The following EDA variants were observed in gnomAD, a reference collection of about 807,000 sequenced individuals.
EDA encodes the protein ectodysplasin-A.
EDA carries 2 observed loss-of-function variants against 23.6 expected under a neutral mutation model. The ratio of observed to expected loss-of-function variants is 0.08; its 90% CI spans 0.03 to 0.27. The LOEUF (loss-of-function observed/expected upper bound fraction) is 0.27, where lower values mean the gene tolerates loss of function less well. EDA is among the 10% of genes least tolerant of loss of function. The pLI is 1.00. For missense variants in EDA, 229 were observed against 324.2 expected, an observed-to-expected ratio of 0.71 and a Z score of 2.26; for synonymous variants, 131 against 132.0, an observed-to-expected ratio of 0.99 and a Z score of 0.05.
chrX:69,982,008 G>A (rs1263900029), intron 2 of EDA, among the ~76,000 whole-genome samples: 1 of 111,402 alleles, frequency 9.0e-6, no homozygotes, highest in Admixed American at 9.6e-5. Flanking sequence ...GGAGGAGAGG[G>A]GAAGGGGGCG....
intron 1 of EDA, among the ~76,000 whole-genome samples, chrX:69,699,264 C>T (rs144212386): frequency 1.3e-4 from 14 of 111,230 alleles, no homozygotes; most frequent in East Asian, 5.7e-4. Flanking sequence ...TGAGGAAGAA[C>T]GAAGCACCCT....
chrX:69,774,276 T>C (rs2014716615), intron 1 of EDA, among the ~76,000 whole-genome samples: 1 of 112,111 alleles, frequency 8.9e-6, no homozygotes. Context: ...GTGGGAACAT[T>C]TACAGGTCTC....
chrX:69,792,680 G>A (rs2015435964), intron 1 of EDA, among the ~76,000 whole-genome samples: 1 of 112,337 alleles, frequency 8.9e-6, no homozygotes, highest in Non-Finnish European at 1.9e-5. Flanking sequence ...GAGTAAGGTA[G>A]TATTTCATTG....
intron 1 of EDA, among the ~76,000 whole-genome samples, chrX:69,638,581 A>G (rs1932803644): frequency 8.9e-6 from 1 of 111,823 alleles, no homozygotes; most frequent in Non-Finnish European, 1.9e-5. Flanking sequence ...GATGATGCCA[A>G]GAGCTCTGAA....
intron 1 of EDA, among the ~76,000 whole-genome samples, chrX:69,789,599 C>T (rs147802752): frequency 0.013 from 1,505 of 112,021 alleles, 7 homozygotes; most frequent in Non-Finnish European, 0.022. Flanking sequence ...TTTACTTAGT[C>T]CTCATTCTTC....
At chrX:69,674,505 A>G (rs1464202651) in intron 1 of EDA, among the ~76,000 whole-genome samples, 3 of 112,332 alleles carry the variant, frequency 2.7e-5, no homozygotes, top group Non-Finnish European at 5.6e-5. Flanking sequence ...ACAATCATTT[A>G]CTATTACCAA....
At position 69,720,083 on chromosome X, in the gene EDA, C is replaced by T. The variant is rs780821434; in HGVS notation, c.396+103379C>T. On this transcript the variant is annotated intron_variant, in intron 1 of 7. Transcript: ENST00000374552. ...CTTTATCTACTCACCCACTGATGGG[C>T]ACTTAGGTTGGTTCTATATTTTTGC... Among the ~76,000 whole-genome samples the T allele has an allele frequency of 3.6e-5, 4 of 111,737 alleles. No individual in the cohort carries two copies. In the Admixed American group the frequency reaches 3.8e-4, roughly 11 times the overall value.
At chrX:69,658,722 T>A (rs1300574371) in intron 1 of EDA, among the ~76,000 whole-genome samples, 3 of 111,753 alleles carry the variant, frequency 2.7e-5, no homozygotes, top group Non-Finnish European at 5.6e-5. Context: ...TCTTCTGCCC[T>A]TGGAAATTGC....
At chrX:69,800,790 G>A (rs2015665526) in intron 1 of EDA, among the ~76,000 whole-genome samples, 1 of 111,838 alleles carries the variant, frequency 8.9e-6, no homozygotes, top group Admixed American at 9.5e-5. Context: ...AATTTATTCT[G>A]TATTGAACTT....
chrX:69,698,303 T>C (rs1209363543), intron 1 of EDA, among the ~76,000 whole-genome samples: 1 of 111,548 alleles, frequency 9.0e-6, no homozygotes, highest in Non-Finnish European at 1.9e-5. Context: ...ACGGATCCAG[T>C]AGGGGAGTCC....
intron 1 of EDA, among the ~76,000 whole-genome samples, chrX:69,642,327 GTAT>G (rs1381916739): frequency 9.0e-6 from 1 of 111,366 alleles, no homozygotes; most frequent in Non-Finnish European, 1.9e-5. Context: ...TTACATTTCA[GTAT>G]TATTGTGAAG....
At chrX:70,021,033 A>T (rs2020026778) in intron 2 of EDA, among the ~76,000 whole-genome samples, 1 of 112,271 alleles carries the variant, frequency 8.9e-6, no homozygotes, top group Non-Finnish European at 1.9e-5. Flanking sequence ...ATAGAAGCTT[A>T]AAAAGATTTT....
At chrX:69,649,862 C>T (rs1159415729) in intron 1 of EDA, among the ~76,000 whole-genome samples, 1 of 112,032 alleles carries the variant, frequency 8.9e-6, no homozygotes, top group Non-Finnish European at 1.9e-5. Context: ...GCTGGGATTA[C>T]AGGCATGAGC....
chrX:69,969,521 CA>C (rs1337493495), intron 2 of EDA, among the ~76,000 whole-genome samples: 4 of 111,610 alleles, frequency 3.6e-5, no homozygotes, highest in Admixed American at 2.9e-4. Context: ...TCAGATTACA[CA>C]AAAAAACTTT....
intron 1 of EDA, among the ~76,000 whole-genome samples, chrX:69,655,326 G>C (rs909176932): frequency 7.3e-5 from 8 of 109,815 alleles, no homozygotes; most frequent in Non-Finnish European, 1.5e-4. Context: ...CTGGGAGGCA[G>C]AGGTTGGCGG....
chrX:70,028,509 C>T (rs960839123), intron 4 of EDA, among the ~76,000 whole-genome samples: 1 of 112,455 alleles, frequency 8.9e-6, no homozygotes, highest in Non-Finnish European at 1.9e-5. Context: ...ATAGTTTCAT[C>T]TTGTGAAGTC....
chrX:69,891,512 TA>T (rs1252832995), intron 1 of EDA, among the ~76,000 whole-genome samples: 4 of 111,814 alleles, frequency 3.6e-5, no homozygotes, highest in Admixed American at 2.9e-4. Flanking sequence ...GGAATCAACC[TA>T]AATGCTCCTC....
intron 1 of EDA, among the ~76,000 whole-genome samples, chrX:69,901,375 A>G (rs2018096392): frequency 8.9e-6 from 1 of 112,296 alleles, no homozygotes; most frequent in South Asian, 3.7e-4. Context: ...TAATTGAATA[A>G]GAAATAGCAC....
intron 2 of EDA, among the ~76,000 whole-genome samples, chrX:70,010,988 G>T (rs982961904): frequency 2.7e-5 from 3 of 111,751 alleles, no homozygotes; most frequent in Non-Finnish European, 5.6e-5. Flanking sequence ...GATTGGGGAC[G>T]CAGCCAAACT....
Sources: gnomAD v4.1 joint callset for allele counts (sites outside exome capture counted in the v4.1 genomes callset) on GRCh38, gnomAD v4.1.1 for gene constraint, MANE v1.5 for transcripts, NCBI Gene and HGNC (gene_info 2026-07-23, HGNC 2026-07-21) for gene names.